The following LDB3 variants were observed in gnomAD, a reference collection of about 807,000 sequenced individuals.
LDB3 encodes the protein LIM domain binding 3, also known as LIM domain-binding protein 3.
Under a neutral mutation model 69.0 loss-of-function variants are expected in LDB3, and 49 were observed. The observed-to-expected ratio is 0.71, with a 90% CI of 0.56 to 0.90. LDB3 has a LOEUF of 0.90. LDB3 is among the 40% of genes least tolerant of loss of function. The pLI, the probability that LDB3 is intolerant of heterozygous loss-of-function variation, is 0.00. For missense variants in LDB3, 928 were observed against 974.1 expected (o/e 0.95, Z 0.63); for synonymous variants, 387 against 396.2 (o/e 0.98, Z 0.28).
chr10:86,681,940 T>C, intron 5 of LDB3, 137 bp downstream of exon 5: 1 of 909,416 alleles, frequency 1.1e-6, no homozygotes, highest in South Asian at 1.8e-5. Context: ...AGGTCAGCAG[T>C]GATCCTGCGG....
At chr10:86,686,661 A>T (rs887450878) in intron 5 of LDB3, among the ~76,000 whole-genome samples, 4 of 151,990 alleles carry the variant, frequency 2.6e-5, no homozygotes, top group Non-Finnish European at 5.9e-5. Flanking sequence ...TACAGAAAAA[A>T]AAAAAATAGT....
At chr10:86,721,403 C>T (rs1847082274) in intron 12 of LDB3, among the ~76,000 whole-genome samples, 1 of 152,190 alleles carries the variant, frequency 6.6e-6, no homozygotes, top group South Asian at 2.1e-4. Context: ...AAAAATGCTT[C>T]AGCTGGCTGC....
chr10:86,669,904 C>A (rs1844366106), intron 2 of LDB3, among the ~76,000 whole-genome samples: 1 of 152,188 alleles, frequency 6.6e-6, no homozygotes, highest in Admixed American at 6.5e-5. Flanking sequence ...TGCCTTGGGC[C>A]TGGGGGCTGG....
At chr10:86,677,383 C>T (rs1844853882) in intron 2 of LDB3, among the ~76,000 whole-genome samples, 1 of 152,152 alleles carries the variant, frequency 6.6e-6, no homozygotes, top group Non-Finnish European at 1.5e-5. Flanking sequence ...AGCCATCAAG[C>T]CTTTTTAGGT....
intron 13 of LDB3, 59 bp downstream of exon 13, chr10:86,726,311 A>G: frequency 4.3e-6 from 6 of 1,403,526 alleles, no homozygotes; most frequent in South Asian, 2.3e-5. Flanking sequence ...AGGAAGTGGG[A>G]GCCAGATGAC....
intron 2 of LDB3, among the ~76,000 whole-genome samples, chr10:86,670,952 C>T (rs1485446798): frequency 1.3e-5 from 2 of 152,206 alleles, no homozygotes; most frequent in Non-Finnish European, 2.9e-5. Flanking sequence ...GCCCTGCCAT[C>T]CCACCAGGGC....
rs1554872183 is a variant in LDB3 at position 86,735,253 on chromosome 10, A to AAC, written c.*2278_*2279insCA. On this transcript the variant is annotated 3_prime_UTR_variant, in exon 14 of 14. Transcript: ENST00000361373. ...TTTGCCAAAAAGACAAAACTAGCAA[A>AAC]AAAAAAACAAAAAAACAAAAAAAAA... The AAC allele has an allele frequency of 1.3e-5, 2 of 151,426 alleles. No individual in the cohort carries two copies. Among genetic ancestry groups the AAC allele is most frequent in the African/African-American group, 4.9e-5 (2 of 41,192 alleles). 9.4% of individuals were successfully genotyped at this position (151,426 alleles called of 1,614,324 possible). A position where few individuals can be genotyped will look rare whatever the true frequency, so the allele number is the denominator to read the frequency against.
At position 86,681,360 on chromosome 10, in the gene LDB3, C is replaced by T; in HGVS notation, c.322-76C>T. On this transcript the variant is annotated intron_variant, in intron 4 of 13. Coordinates refer to ENST00000361373, the MANE Select transcript of LDB3 (RefSeq NM_007078.3). ...CGCGCTAACACATCTGTTTCAGGTC[C>T]ACGCAGGAGCGCTGGGACGCGTGTG... 3 of 1,588,206 alleles carry T rather than the reference C, an allele frequency of 1.9e-6. No individual in the cohort carries two copies. In the African/African-American group the frequency reaches 4.0e-5, roughly 21 times the overall value.
At chr10:86,687,232 A>G (rs1283958275) in intron 5 of LDB3, 3 of 1,614,196 alleles carry the variant, frequency 1.9e-6, no homozygotes, top group East Asian at 4.5e-5. Flanking sequence ...CATGGATGCC[A>G]TCGCTGGGCA....
At position 86,679,444 on chromosome 10, in the gene LDB3, A is replaced by G. The variant is rs754796151; in HGVS notation, c.171A>G (p.Thr57=). 1 of 1,614,128 alleles carries G rather than the reference A, an allele frequency of 6.2e-7. No individual in the cohort carries two copies. Among genetic ancestry groups the G allele is most frequent in the East Asian group, 2.2e-5 (1 of 44,884 alleles). Residue 57 remains threonine (T), a synonymous_variant, in exon 3 of 14, where the codon ACA becomes ACG. Transcript: ENST00000361373. ...DLVVAIDGVN[T]DTMTHLEAQN... ...TGGTGGCCATTGACGGCGTCAACACAGACACCATGACCCACCTGGAAGCCC... is the reference window on the plus strand; with the variant it reads ...TGGTGGCCATTGACGGCGTCAACACGGACACCATGACCCACCTGGAAGCCC...
chr10:86,692,386 G>A (rs1328695842), intron 6 of LDB3, 149 bp from the exon 7 acceptor site: 2 of 849,036 alleles, frequency 2.4e-6, no homozygotes, highest in South Asian at 1.4e-5. Flanking sequence ...GTCCTCTGGG[G>A]CCTCTGCCCA....
intron 5 of LDB3, 115 bp downstream of exon 5, chr10:86,681,918 C>G: frequency 8.8e-7 from 1 of 1,136,198 alleles, no homozygotes. Flanking sequence ...TCCAGCCAGC[C>G]CCGAGCCCAT....
intron 6 of LDB3, 119 bp downstream of exon 6, chr10:86,692,184 G>C (rs1365868846): frequency 1.7e-6 from 2 of 1,208,506 alleles, no homozygotes; most frequent in African/African-American, 3.0e-5. Context: ...AGGTGGGCCA[G>C]GCTTGATGGT....
intron 13 of LDB3, among the ~76,000 whole-genome samples, chr10:86,732,003 C>CTTTTTTTTTTTTTT (rs755552822): frequency 4.1e-5 from 5 of 123,230 alleles, no homozygotes; most frequent in African/African-American, 9.6e-5. Flanking sequence ...TTCTTTCTTT[C>CTTTTTTTTTTTTTT]TTTTTCTTTT....
At chr10:86,677,707 C>T (rs759306771) in intron 2 of LDB3, among the ~76,000 whole-genome samples, 8 of 152,138 alleles carry the variant, frequency 5.3e-5, no homozygotes, top group Non-Finnish European at 1.0e-4. Context: ...GAACTGGCCC[C>T]CGCACCTGCA....
chr10:86,671,573 C>T (rs944676552), intron 2 of LDB3, among the ~76,000 whole-genome samples: 1 of 151,886 alleles, frequency 6.6e-6, no homozygotes, highest in Admixed American at 6.6e-5. Context: ...TGCCCTTTCA[C>T]CCCACCCCAG....
rs1053049108 is a variant in LDB3 at position 86,699,378 on chromosome 10, G to A, written c.896+6807G>A. 1.2e-6 allele frequency: 2 copies of A among 1,613,560 alleles called. No homozygotes were observed. On this transcript the variant is annotated intron_variant, in intron 7 of 13. Coordinates refer to ENST00000361373, the MANE Select transcript of LDB3 (RefSeq NM_007078.3). This position sits in a 1 kb window ranked among gnomAD's most constrained non-coding sequence, Gnocchi z 4.9. ...AATCCTTAATGTTAAAAGCTAAAAGGCTGCCTGGAATCCCCCCACCCCAAC... is the reference window on the plus strand; with the variant it reads ...AATCCTTAATGTTAAAAGCTAAAAGACTGCCTGGAATCCCCCCACCCCAAC...
At chr10:86,721,137 A>C (rs1447505804) in intron 12 of LDB3, among the ~76,000 whole-genome samples, 1 of 152,180 alleles carries the variant, frequency 6.6e-6, no homozygotes, top group Non-Finnish European at 1.5e-5. Flanking sequence ...TTGATTTTGT[A>C]AGGAACCTCA....
chr10:86,706,425 T>C, intron 7 of LDB3, 106 bp from the exon 8 acceptor site: 1 of 1,240,072 alleles, frequency 8.1e-7, no homozygotes, highest in Non-Finnish European at 1.2e-6. Context: ...AGGTGGAGCT[T>C]TCTGCCCAGC....
Sources: gnomAD v4.1 joint callset for allele counts (sites outside exome capture counted in the v4.1 genomes callset) on GRCh38, gnomAD v4.1.1 for gene constraint, Gnocchi (gnomAD v3.1) non-coding constraint, MANE v1.5 for transcripts, NCBI Gene and HGNC (gene_info 2026-07-23, HGNC 2026-07-21) for gene names.